Variants in DPH5 observed in about 807,000 individuals in gnomAD.
DPH5 encodes diphthine methyl ester synthase.
In DPH5, 31 loss-of-function variants were observed where a neutral mutation model predicts 31.6. The ratio of observed to expected loss-of-function variants is 0.98; its 90% confidence interval spans 0.74 to 1.32. DPH5 has a LOEUF of 1.32. Ranked by LOEUF, DPH5 falls within the 40% of genes most tolerant of loss-of-function variation. The pLI, the probability that DPH5 is intolerant of heterozygous loss-of-function variation, is 0.00. For synonymous variants in DPH5, 120 were observed against 115.0 expected (o/e 1.04, Z -0.28); for missense variants, 309 against 335.7 (o/e 0.92, Z 0.62).
At chr1:100,991,974 G>A (rs896148743) in intron 7 of DPH5, among the ~76,000 whole-genome samples, 4 of 151,670 alleles carry the variant, frequency 2.6e-5, no homozygotes, top group African/African-American at 9.7e-5. Context: ...AGCTGGGCAT[G>A]GTGGCATGCA....
At chr1:101,010,093 C>CTCT (rs1250845931) in intron 4 of DPH5, among the ~76,000 whole-genome samples, 1 of 152,164 alleles carries the variant, frequency 6.6e-6, no homozygotes, top group Non-Finnish European at 1.5e-5. Flanking sequence ...TTGATGTTGT[C>CTCT]TCTTCTGCCC....
At chr1:101,024,065 T>A (rs935316869) in intron 2 of DPH5, among the ~76,000 whole-genome samples, 3 of 152,140 alleles carry the variant, frequency 2.0e-5, no homozygotes, top group African/African-American at 7.2e-5. Context: ...ATATTTTGGT[T>A]CTATCCTAAG....
intron 6 of DPH5, among the ~76,000 whole-genome samples, chr1:100,994,246 A>C (rs534734336): frequency 6.6e-6 from 1 of 152,294 alleles, no homozygotes; most frequent in South Asian, 2.1e-4. Flanking sequence ...TGGTTTTAAC[A>C]GTTGATTTAT....
chr1:101,019,850 G>A (rs1218401412), intron 3 of DPH5, among the ~76,000 whole-genome samples: 4 of 151,712 alleles, frequency 2.6e-5, no homozygotes, highest in East Asian at 1.9e-4. Flanking sequence ...AAGGCACTCC[G>A]GAATAAAACA....
rs1030637173 is a variant in DPH5, at chr1:101,016,286, G to A, written c.261-2468C>T. On this transcript the variant is annotated intron_variant, in intron 3 of 7. Coordinates refer to ENST00000370109, the MANE Select transcript of DPH5 (RefSeq NM_015958.3). ...GGAGAATGGCGTGAACCCGGGAGGC[G>A]GAGCTTGCAGTGAGCTGAGATTGTG... is the stretch of plus-strand genomic sequence containing the variant. Among the ~76,000 whole-genome samples the A allele has an allele frequency of 9.2e-5, 14 of 151,912 alleles. 1 individual carries two copies. The highest frequency in any genetic ancestry group is 1.6e-4 in the Non-Finnish European group (11 of 67,974).
chr1:101,011,089 C>T (rs1033548207), intron 4 of DPH5, among the ~76,000 whole-genome samples: 4 of 152,052 alleles, frequency 2.6e-5, no homozygotes, highest in East Asian at 1.9e-4. Context: ...CTTCCATAAG[C>T]GCTAGTCCAA....
chr1:101,024,746 C>T (rs1348988903), intron 2 of DPH5, among the ~76,000 whole-genome samples: 1 of 152,186 alleles, frequency 6.6e-6, no homozygotes, highest in East Asian at 1.9e-4. Context: ...TTAGTGTATA[C>T]TCATGTAAGT....
chr1:101,013,863 T>C (rs781158743), intron 3 of DPH5, 45 bp from the exon 4 acceptor site: 6 of 1,447,814 alleles, frequency 4.1e-6, no homozygotes, highest in East Asian at 4.6e-5. Flanking sequence ...AACAACACTT[T>C]TAAGACAGTA....
In DPH5 at chr1:100,998,100, A is replaced by C. The variant is rs544371015; in HGVS notation, c.491-2951T>G. 7.2e-5 allele frequency among the ~76,000 whole-genome samples: 11 copies of C among 152,372 alleles called. No individual in the cohort carries two copies. The South Asian group carries it at 1.9e-3, about 26-fold the overall frequency. Reference sequence around the variant, plus strand: ...TGAAGCACTAAATCACACTGGCAATAAACTAAAATAAGAAAACATCATACT... The same window carrying C: ...TGAAGCACTAAATCACACTGGCAATCAACTAAAATAAGAAAACATCATACT... On this transcript the variant is annotated intron_variant, in intron 5 of 7. Transcript: ENST00000370109.
intron 3 of DPH5, 60 bp from the exon 4 acceptor site, chr1:101,013,878 T>A: frequency 7.5e-7 from 1 of 1,326,136 alleles, no homozygotes; most frequent in Non-Finnish European, 1.0e-6. Flanking sequence ...ACAGTAAAGC[T>A]ATATTTCCTG....
At position 100,990,438 on chromosome 1, in the gene DPH5, GC is replaced by G; in HGVS notation, c.827del (p.Ser276ThrfsTer52). ...MLSLFSIPEN[S>X]SESQSINGL Reference sequence around the variant, plus strand: ...GTCCATTGATGCTTTGAGATTCTGAGCTATTTTCTGGTATGGAAAACAGACT... The same window carrying G: ...GTCCATTGATGCTTTGAGATTCTGAGTATTTTCTGGTATGGAAAACAGACT... On this transcript the variant is annotated frameshift_variant, in exon 8 of 8. Transcript: ENST00000370109. LOFTEE classifies it high-confidence loss of function. 6.2e-7 allele frequency: 1 copy of G among 1,613,980 alleles called. No homozygotes were observed. The highest frequency in any genetic ancestry group is 2.2e-5 in the East Asian group (1 of 44,874).
chr1:101,000,007 C>T (rs1211324669), intron 5 of DPH5, among the ~76,000 whole-genome samples: 3 of 151,188 alleles, frequency 2.0e-5, no homozygotes, highest in Non-Finnish European at 2.9e-5. Context: ...ATTAGCCGGG[C>T]GTGGTGGCAT....
At chr1:100,990,924 G>A (rs1352105868) in intron 7 of DPH5, among the ~76,000 whole-genome samples, 2 of 152,150 alleles carry the variant, frequency 1.3e-5, no homozygotes, top group Non-Finnish European at 2.9e-5. Context: ...CACAGCATTC[G>A]TTTTTAAATA....
At chr1:101,012,442 AG>A (rs1356963003) in intron 4 of DPH5, among the ~76,000 whole-genome samples, 1 of 152,218 alleles carries the variant, frequency 6.6e-6, no homozygotes, top group African/African-American at 2.4e-5. Context: ...CCAGAAGGGA[AG>A]AATACTGGAC....
chr1:100,990,155 C>CG lies in DPH5; in HGVS notation c.*252_*253insC, dbSNP rs1570633012. 5 of 467,822 alleles carry CG rather than the reference C, an allele frequency of 1.1e-5. No homozygotes were observed. The East Asian group carries it at 2.0e-4, about 18-fold the overall frequency. The allele number at this position is 467,822 out of a possible 1,614,324, so 29.0% of individuals were successfully genotyped here. On this transcript the variant is annotated 3_prime_UTR_variant, in exon 8 of 8. Transcript: ENST00000370109. ...ACAATCACGGTGGAAGGCACCTCTT[C>CG]ACAGGGCGGCAAGAGTGAGAATGAG... is the stretch of plus-strand genomic sequence containing the variant.
Position 101,013,749 on chromosome 1 carries a change from A to G in DPH5, c.330T>C (p.Asn110=). 1 of 1,613,158 alleles carries G rather than the reference A, an allele frequency of 6.2e-7. No homozygotes were observed. The highest frequency in any genetic ancestry group is 8.5e-7 in the Non-Finnish European group (1 of 1,179,462). The part of the protein sequence containing the change: ...KLGIPYRVIH[N]ASIMNAVGCC... ...AGCCTACAGCATTCATTATGGAGGC[A>G]TTGTGAATAACTCTATAAGGAATTC... The change falls in exon 4 of 8, where the codon AAT becomes AAC. Residue 110 remains asparagine, a synonymous_variant. Coordinates refer to ENST00000370109, the MANE Select transcript of DPH5 (RefSeq NM_015958.3).
intron 4 of DPH5, among the ~76,000 whole-genome samples, chr1:101,004,093 T>G (rs1402645318): frequency 1.3e-5 from 2 of 152,188 alleles, no homozygotes; most frequent in Non-Finnish European, 2.9e-5. Flanking sequence ...TGTGTAGCAG[T>G]GTCTTTGAAT....
chr1:101,006,499 A>T (rs541150964), intron 4 of DPH5, among the ~76,000 whole-genome samples: 18 of 152,284 alleles, frequency 1.2e-4, no homozygotes, highest in African/African-American at 4.3e-4. Context: ...TGACTAAAAG[A>T]ATAGAAAGAG....
chr1:101,015,676 G>C (rs1391228030), intron 3 of DPH5, among the ~76,000 whole-genome samples: 1 of 152,202 alleles, frequency 6.6e-6, no homozygotes, highest in African/African-American at 2.4e-5. Context: ...GTCCTACAAG[G>C]CATCCTCTTC....
Sources: allele counts gnomAD v4.1 joint callset (sites outside exome capture counted in the v4.1 genomes callset), GRCh38; gene constraint gnomAD v4.1.1; transcripts MANE v1.5; gene names NCBI Gene and HGNC (gene_info 2026-07-23, HGNC 2026-07-21).